DCC: variants seen among roughly 807,000 people sequenced by gnomAD.
The protein encoded by DCC is netrin receptor DCC.
A neutral mutation model predicts 172.5 loss-of-function variants in DCC; 58 were observed. That is an observed-to-expected ratio of 0.34 (90% CI 0.27 to 0.42). The LOEUF is 0.42. Ranked by LOEUF, DCC falls within the 10% of genes least tolerant of loss-of-function variation. The pLI is 1.00. For missense variants in DCC, 1,740 were observed against 1,791.0 expected (o/e 0.97, Z 0.51); for synonymous variants, 709 against 644.5 (o/e 1.10, Z -1.52).
chr18:52,803,397 A>T (rs1215340832), intron 2 of DCC, among the ~76,000 whole-genome samples: 1 of 152,176 alleles, frequency 6.6e-6, no homozygotes, highest in African/African-American at 2.4e-5. Context: ...TCACAGTAGT[A>T]CAATGTGTAC....
At chr18:52,866,973 T>C (rs1158330774) in intron 2 of DCC, among the ~76,000 whole-genome samples, 1 of 152,236 alleles carries the variant, frequency 6.6e-6, no homozygotes, top group Non-Finnish European at 1.5e-5. Context: ...TCAAAGGGAA[T>C]GCTTCCAGCT....
In DCC at chr18:52,572,318, A is replaced by G. The variant is rs2033318580; in HGVS notation, c.92-179736A>G. Among the ~76,000 whole-genome samples, 4 of 152,004 alleles carry G rather than the reference A, an allele frequency of 2.6e-5. No homozygotes were observed. The South Asian group carries it at 8.3e-4, about 32-fold the overall frequency. On this transcript the variant is annotated intron_variant, in intron 1 of 28. Coordinates refer to ENST00000442544, the MANE Select transcript of DCC (RefSeq NM_005215.4). ...GAATCAGGAAGGAGGGAAAGGAAAA[A>G]TCTCTAGTCCTAAGTTTTTTTACTG... is the stretch of plus-strand genomic sequence containing the variant.
intron 7 of DCC, among the ~76,000 whole-genome samples, chr18:53,136,080 ATTTG>A (rs1000401008): frequency 5.9e-5 from 9 of 152,102 alleles, no homozygotes; most frequent in African/African-American, 1.7e-4. Context: ...ATAATCAGTT[ATTTG>A]TTTGAGCTGA....
chr18:52,960,081 C>T (rs916500641), intron 5 of DCC, among the ~76,000 whole-genome samples: 1 of 152,116 alleles, frequency 6.6e-6, no homozygotes, highest in Non-Finnish European at 1.5e-5. Flanking sequence ...GAGATACACG[C>T]ACCCACGCAT....
intron 12 of DCC, among the ~76,000 whole-genome samples, chr18:53,222,919 A>G (rs2144595715): frequency 6.6e-6 from 1 of 152,248 alleles, no homozygotes; most frequent in East Asian, 1.9e-4. Context: ...CCATAAATTG[A>G]AGAACCTCAT....
chr18:52,449,357 A>G (rs766394071), intron 1 of DCC, among the ~76,000 whole-genome samples: 3 of 152,230 alleles, frequency 2.0e-5, no homozygotes, highest in Non-Finnish European at 4.4e-5. Context: ...GGAAAAATAC[A>G]CTTATAGACA....
At chr18:53,251,688 C>T (rs1044899548) in intron 12 of DCC, among the ~76,000 whole-genome samples, 8 of 151,682 alleles carry the variant, frequency 5.3e-5, no homozygotes, top group Non-Finnish European at 1.0e-4. Context: ...TGTGTGCATG[C>T]AAGTAGACAC....
At chr18:52,921,875 T>C (rs1220149767) in intron 3 of DCC, among the ~76,000 whole-genome samples, 1 of 151,920 alleles carries the variant, frequency 6.6e-6, no homozygotes, top group Non-Finnish European at 1.5e-5. Flanking sequence ...CGGTATTGTA[T>C]AGTGTAAGTT....
intron 5 of DCC, among the ~76,000 whole-genome samples, chr18:53,046,214 A>G (rs1327514063): frequency 6.6e-6 from 1 of 151,972 alleles, no homozygotes; most frequent in African/African-American, 2.4e-5. Context: ...TTTGAAAGAA[A>G]TACTGTCATT....
At chr18:53,023,167 A>G (rs2143928463) in intron 5 of DCC, among the ~76,000 whole-genome samples, 1 of 152,064 alleles carries the variant, frequency 6.6e-6, no homozygotes, top group South Asian at 2.1e-4. Context: ...AACAGTATAG[A>G]AGTATTTACC....
intron 1 of DCC, among the ~76,000 whole-genome samples, chr18:52,458,488 T>C (rs1988527442): frequency 6.6e-6 from 1 of 152,186 alleles, no homozygotes; most frequent in African/African-American, 2.4e-5. Flanking sequence ...ATAAATTTCT[T>C]ATCCCTTCTG....
chr18:52,340,900 T>C, intron 1 of DCC, 22 bp downstream of exon 1: 1 of 1,557,628 alleles, frequency 6.4e-7, no homozygotes, highest in Non-Finnish European at 8.9e-7. Context: ...TTTCCTTTCT[T>C]CTCGTCGCAC....
chr18:53,191,977 A>C (rs1246652584), intron 9 of DCC, among the ~76,000 whole-genome samples: 1 of 152,186 alleles, frequency 6.6e-6, no homozygotes. Flanking sequence ...GCTGAAGTCT[A>C]TTTGTCTTCC....
chr18:52,520,898 C>T (rs1363216606), intron 1 of DCC, among the ~76,000 whole-genome samples: 1 of 152,084 alleles, frequency 6.6e-6, no homozygotes, highest in Non-Finnish European at 1.5e-5. Context: ...AACCTGTAAA[C>T]AAATTCTTTG....
chr18:53,026,705 G>T (rs1236064913), intron 5 of DCC, among the ~76,000 whole-genome samples: 1 of 151,970 alleles, frequency 6.6e-6, no homozygotes, highest in Non-Finnish European at 1.5e-5. Context: ...GCAGGTGCGT[G>T]CTGCCATACC....
chr18:52,898,514 T>C (rs1336168499), intron 2 of DCC, among the ~76,000 whole-genome samples: 3 of 152,142 alleles, frequency 2.0e-5, no homozygotes, highest in African/African-American at 7.2e-5. Context: ...TCGAAAATAT[T>C]CAAACTTTCT....
intron 8 of DCC, among the ~76,000 whole-genome samples, chr18:53,166,338 C>A (rs12457406): frequency 0.42 from 63,458 of 151,384 alleles, 14,005 homozygotes; most frequent in East Asian, 0.71. Flanking sequence ...GGGAATGTCC[C>A]CAAGGGCCGT....
At chr18:53,168,018 C>T (rs765354162) in intron 8 of DCC, among the ~76,000 whole-genome samples, 2 of 152,154 alleles carry the variant, frequency 1.3e-5, no homozygotes, top group Non-Finnish European at 2.9e-5. Flanking sequence ...AATAAGATAC[C>T]ATCTCATGCC....
At chr18:53,292,091 G>C (rs978711399) in intron 12 of DCC, among the ~76,000 whole-genome samples, 2 of 146,252 alleles carry the variant, frequency 1.4e-5, no homozygotes, top group African/African-American at 5.1e-5. Flanking sequence ...TTCTTTTCAT[G>C]TCTTTTTATT....
Sources: allele counts gnomAD v4.1 joint callset (sites outside exome capture counted in the v4.1 genomes callset), GRCh38; gene constraint gnomAD v4.1.1; transcripts MANE v1.5; gene names NCBI Gene and HGNC (gene_info 2026-07-23, HGNC 2026-07-21).